DDX60: variants seen among roughly 807,000 people sequenced by gnomAD.
DDX60 encodes probable ATP-dependent RNA helicase DDX60.
Under a neutral mutation model 212.8 loss-of-function variants are expected in DDX60, and 165 were observed. The ratio of observed to expected loss-of-function variants is 0.78; its 90% CI spans 0.68 to 0.88. The LOEUF (loss-of-function observed/expected upper bound fraction) is 0.88, where lower values mean the gene tolerates loss of function less well. Ranked by LOEUF, DDX60 falls within the 40% of genes least tolerant of loss-of-function variation. DDX60 has a pLI of 0.00. For synonymous variants in DDX60, 703 were observed against 685.3 expected (o/e 1.03, Z -0.40); for missense variants, 1,905 against 2,003.9 (o/e 0.95, Z 0.94).
intron 19 of DDX60, among the ~76,000 whole-genome samples, chr4:168,270,046 C>T (rs1023875659): frequency 5.3e-5 from 8 of 152,212 alleles, no homozygotes; most frequent in African/African-American, 1.9e-4. Flanking sequence ...CTGGCATCAT[C>T]ATTTGTGAGC....
chr4:168,283,496 T>C lies in DDX60; in HGVS notation c.1672A>G (p.Thr558Ala), dbSNP rs775055847. The change falls in exon 13 of 38, where the codon ACT becomes GCT. Residue 558 changes from threonine (T) to alanine (A), a missense_variant. Coordinates refer to ENST00000393743, the MANE Select transcript of DDX60 (RefSeq NM_017631.6). ...TVSSKIIVTQ[T>A]IKSKKDFSGP... ...CTAAAATCCTTCTTTGACTTAATAGTTTGAGTCACGATGATTTTCGAAGAG... is the reference window on the plus strand; with the variant it reads ...CTAAAATCCTTCTTTGACTTAATAGCTTGAGTCACGATGATTTTCGAAGAG... 9 of 1,613,580 alleles carry C rather than the reference T, an allele frequency of 5.6e-6. No individual in the cohort carries two copies. Among genetic ancestry groups the C allele is most frequent in the Non-Finnish European group, 6.8e-6 (8 of 1,179,672 alleles).
chr4:168,221,981 T>C (rs1425314721), intron 35 of DDX60, 100 bp from the exon 36 acceptor site: 1 of 1,254,636 alleles, frequency 8.0e-7, no homozygotes, highest in East Asian at 2.6e-5. Context: ...GTTACCATTT[T>C]TAAAGCCCAC....
intron 30 of DDX60, among the ~76,000 whole-genome samples, chr4:168,244,775 A>C (rs1042961585): frequency 2.6e-5 from 4 of 152,124 alleles, no homozygotes; most frequent in African/African-American, 9.7e-5. Flanking sequence ...GGAAAACAAA[A>C]GTCCAGTAGT....
chr4:168,313,320 G>C (rs1017734279), intron 1 of DDX60, among the ~76,000 whole-genome samples: 4 of 152,194 alleles, frequency 2.6e-5, no homozygotes, highest in African/African-American at 9.6e-5. Flanking sequence ...AATGCATAAA[G>C]TTGTGAAACT....
intron 30 of DDX60, among the ~76,000 whole-genome samples, chr4:168,245,359 T>C (rs536879791): frequency 6.6e-6 from 1 of 152,306 alleles, no homozygotes; most frequent in South Asian, 2.1e-4. Flanking sequence ...TTAGTTTGAT[T>C]TGATGAATGA....
At chr4:168,282,430 A>G (rs1735633959) in intron 13 of DDX60, among the ~76,000 whole-genome samples, 1 of 152,200 alleles carries the variant, frequency 6.6e-6, no homozygotes, top group Non-Finnish European at 1.5e-5. Context: ...AATTTTCGCA[A>G]AAGTAATTAT....
chr4:168,261,795 T>G (rs768890400), intron 24 of DDX60, among the ~76,000 whole-genome samples: 32 of 152,188 alleles, frequency 2.1e-4, no homozygotes, highest in Non-Finnish European at 4.0e-4. Context: ...CTCTGGCACA[T>G]GGTTCAGAAG....
At chr4:168,319,699 G>A (rs916420079), upstream of DDX60, among the ~76,000 whole-genome samples, 1 of 152,014 alleles carries the variant, frequency 6.6e-6, no homozygotes. Flanking sequence ...TTTCATTAAT[G>A]CTATAAATAT....
At chr4:168,311,144 T>C (rs1349147276) in intron 2 of DDX60, 77 bp from the exon 3 acceptor site, 8 of 1,432,730 alleles carry the variant, frequency 5.6e-6, no homozygotes, top group African/African-American at 1.4e-5. Context: ...ATCATTTAGT[T>C]ATTATTCAAG....
At chr4:168,238,934 C>T (rs1329877595) in intron 30 of DDX60, among the ~76,000 whole-genome samples, 2 of 152,092 alleles carry the variant, frequency 1.3e-5, no homozygotes, top group Non-Finnish European at 2.9e-5. Context: ...ATTCATCCAG[C>T]TCAGCTCTGA....
intron 33 of DDX60, among the ~76,000 whole-genome samples, chr4:168,231,703 A>G (rs183003930): frequency 2.0e-5 from 3 of 152,002 alleles, no homozygotes; most frequent in Non-Finnish European, 2.9e-5. Context: ...TGGCATAGAA[A>G]GGACATAGCT....
rs199938031 is a variant in DDX60, at chr4:168,311,082, A to G, written c.5-15T>C. ...AACATTTCTTTCTAAATTTAAAAAAAAAGAGAGAAAGAGAATGGGTTATTT... is the reference window on the plus strand; with the variant it reads ...AACATTTCTTTCTAAATTTAAAAAAGAAGAGAGAAAGAGAATGGGTTATTT... On this transcript the variant is annotated splice_polypyrimidine_tract_variant and intron_variant, in intron 2 of 37. Transcript: ENST00000393743. The G allele has an allele frequency of 4.4e-5, 66 of 1,498,776 alleles. No homozygotes were observed. In the African/African-American group the frequency reaches 6.3e-4, roughly 14 times the overall value. 92.8% of individuals were successfully genotyped at this position (1,498,776 alleles called of 1,614,324 possible).
chr4:168,286,130 A>G (rs1443113442), intron 10 of DDX60, among the ~76,000 whole-genome samples: 7 of 151,736 alleles, frequency 4.6e-5, no homozygotes, highest in Non-Finnish European at 1.0e-4. Context: ...GAAGGAAGGA[A>G]GGAAGGAAGA....
Position 168,236,335 on chromosome 4 carries a change from C to A in DDX60, c.4450G>T (p.Val1484Leu). 6.2e-7 allele frequency: 1 copy of A among 1,609,574 alleles called. No homozygotes were observed. Among genetic ancestry groups the A allele is most frequent in the Non-Finnish European group, 8.5e-7 (1 of 1,177,760 alleles). Reference sequence around the variant, plus strand: ...CCAAAGAGATGTGCCAATACTAATACTAGCTTTTCCATAACGTCTTGAGAA... The same window carrying A: ...CCAAAGAGATGTGCCAATACTAATAATAGCTTTTCCATAACGTCTTGAGAA... Reference protein sequence around the residue: ...HFSQDVMEKLVLVLAHLFGRR... With the variant: ...HFSQDVMEKLLLVLAHLFGRR... The change falls in exon 33 of 38, where the codon GTA (valine) becomes TTA (leucine). Residue 1484 changes from valine (V) to leucine (L), a missense_variant. By Grantham distance (32) the Val-to-Leu change is conservative. Transcript: ENST00000393743.
rs34147422 is a variant in DDX60 at position 168,280,585 on chromosome 4, G to C, written c.1728C>G (p.Thr576=). The change falls in exon 14 of 38, where the codon ACC becomes ACG. Residue 576 remains threonine, a synonymous_variant. Coordinates refer to ENST00000393743, the MANE Select transcript of DDX60 (RefSeq NM_017631.6). ...TCTCTCTAGCAATTATTTCAGCCTT[G>C]GTCTCCTGCCCCAAAGGAAAAAACA... ...SGPKSKKAHE[T]KAEIIARENK... 2.8e-3 allele frequency: 4,456 copies of C among 1,608,150 alleles called. 109 individuals carry two copies. The African/African-American group carries it at 0.051, about 18-fold the overall frequency.
chr4:168,241,562 A>G (rs1297991966), intron 30 of DDX60, among the ~76,000 whole-genome samples: 2 of 152,168 alleles, frequency 1.3e-5, no homozygotes, highest in Non-Finnish European at 2.9e-5. Flanking sequence ...AAAGACGGGC[A>G]GCATTTTGCC....
chr4:168,217,266 G>C (rs1181728787), intron 37 of DDX60, among the ~76,000 whole-genome samples: 1 of 152,132 alleles, frequency 6.6e-6, no homozygotes, highest in Admixed American at 6.5e-5. Context: ...ATTACCAAGA[G>C]AGTCTGAAAA....
rs367707544 is a variant in DDX60, at chr4:168,251,143, T to C, written c.3706-37A>G. On this transcript the variant is annotated intron_variant, in intron 27 of 37. Coordinates refer to ENST00000393743, the MANE Select transcript of DDX60 (RefSeq NM_017631.6). Reference sequence around the variant, plus strand: ...AAGACATTTAGGGATTATGATTTAATTTTAATTATAATTAAAAATGTCTAA... The same window carrying C: ...AAGACATTTAGGGATTATGATTTAACTTTAATTATAATTAAAAATGTCTAA... 8.1e-5 allele frequency: 126 copies of C among 1,550,814 alleles called. No homozygotes were observed. In the African/African-American group the frequency reaches 1.6e-3, roughly 19 times the overall value.
intron 3 of DDX60, among the ~76,000 whole-genome samples, chr4:168,309,317 G>C (rs1268640180): frequency 6.6e-6 from 1 of 152,298 alleles, no homozygotes; most frequent in East Asian, 1.9e-4. Context: ...AGCAGAGAAA[G>C]TCATGACATT....
Sources: allele counts gnomAD v4.1 joint callset (sites outside exome capture counted in the v4.1 genomes callset), GRCh38; gene constraint gnomAD v4.1.1; transcripts MANE v1.5; gene names NCBI Gene and HGNC (gene_info 2026-07-23, HGNC 2026-07-21).